Variants in BST1 observed in about 807,000 individuals in gnomAD.
The protein encoded by BST1 is bone marrow stromal cell antigen 1.
In BST1, 49 loss-of-function variants were observed where a neutral mutation model predicts 40.6. The observed-to-expected ratio is 1.21, with a 90% confidence interval of 0.96 to 1.53. BST1 has a LOEUF of 1.53. Among genes scored for constraint, BST1 ranks in the 40% most tolerant of loss-of-function variants. BST1 has a pLI of 0.00. For missense variants in BST1, 423 were observed against 395.9 expected, an observed-to-expected ratio of 1.07 and a Z score of -0.58; for synonymous variants, 157 against 159.3, an observed-to-expected ratio of 0.99 and a Z score of 0.11.
intron 8 of BST1, 150 bp from the exon 9 acceptor site, chr4:15,731,590 G>A (rs1577598314): frequency 2.6e-6 from 3 of 1,148,646 alleles, no homozygotes; most frequent in East Asian, 2.6e-5. Context: ...TTCGCGCACC[G>A]CCTCCTACGG....
intron 8 of BST1, among the ~76,000 whole-genome samples, chr4:15,728,638 C>G (rs1369915597): frequency 6.9e-6 from 1 of 145,034 alleles, no homozygotes; most frequent in Non-Finnish European, 1.5e-5. Context: ...TCCCTTCCTT[C>G]CTTCCTTTTT....
chr4:15,733,468 A>G (rs1721458270), downstream of BST1, among the ~76,000 whole-genome samples: 1 of 152,152 alleles, frequency 6.6e-6, no homozygotes, highest in Admixed American at 6.5e-5. Flanking sequence ...CTTTAGCTAG[A>G]CACAGAGTGC....
At chr4:15,731,668 G>A (rs1317190700) in intron 8 of BST1, 72 bp from the exon 9 acceptor site, 2 of 1,517,880 alleles carry the variant, frequency 1.3e-6, no homozygotes, top group East Asian at 2.3e-5. Flanking sequence ...GACTAATACT[G>A]CACATATATT....
rs955807538 is a variant in BST1 at position 15,721,744 on chromosome 4, G to A, written c.792-1131G>A. ...CAGGTGTGGCACACCAACATGGCAT[G>A]TGTATACATATGTAACAAACCTGCA... is the stretch of plus-strand genomic sequence containing the variant. On this transcript the variant is annotated intron_variant, in intron 7 of 8. Transcript: ENST00000265016. Among the ~76,000 whole-genome samples the A allele has an allele frequency of 2.0e-5, 3 of 152,100 alleles. No homozygotes were observed. The East Asian group carries it at 5.8e-4, about 29-fold the overall frequency.
At chr4:15,726,136 G>GTTTTTTTT (rs58225702) in intron 8 of BST1, among the ~76,000 whole-genome samples, 14 of 107,584 alleles carry the variant, frequency 1.3e-4, no homozygotes, top group East Asian at 1.2e-3. Context: ...AACTTTTAAA[G>GTTTTTTTT]TTTTTTTTTT....
intron 4 of BST1, among the ~76,000 whole-genome samples, chr4:15,714,061 A>G (rs970671960): frequency 3.9e-5 from 6 of 152,108 alleles, no homozygotes; most frequent in African/African-American, 1.4e-4. Context: ...AGCTGCTCAT[A>G]ATAGTGAATG....
the BST1 span, among the ~76,000 whole-genome samples, chr4:15,748,990 G>C: frequency 2.0e-5 from 3 of 152,168 alleles, no homozygotes; most frequent in South Asian, 6.2e-4. Flanking sequence ...AGCCCATAAA[G>C]GACACATTAC....
At chr4:15,739,911 G>A (rs1721698776), downstream of BST1, among the ~76,000 whole-genome samples, 1 of 151,904 alleles carries the variant, frequency 6.6e-6, no homozygotes, top group Admixed American at 6.6e-5. Context: ...AAAGGAGAGG[G>A]AGACATTGAC....
the BST1 span, among the ~76,000 whole-genome samples, chr4:15,769,902 C>T: frequency 3.3e-5 from 5 of 151,940 alleles, no homozygotes; most frequent in South Asian, 2.1e-4. Context: ...TGCAGTGGCA[C>T]GATTTCAGTT....
At chr4:15,708,601 G>A (rs993195140) in intron 3 of BST1, among the ~76,000 whole-genome samples, 51 of 152,052 alleles carry the variant, frequency 3.4e-4, no homozygotes, top group Admixed American at 2.0e-4. Flanking sequence ...ATATCAGGCC[G>A]GGCATGGTAG....
chr4:15,704,406 G>A (rs1719760456), intron 1 of BST1, among the ~76,000 whole-genome samples: 1 of 150,392 alleles, frequency 6.6e-6, no homozygotes. Flanking sequence ...AGGGATGTGT[G>A]TGTGTGTGTG....
chr4:15,741,891 G>T (rs1404782190), downstream of BST1, among the ~76,000 whole-genome samples: 1 of 152,216 alleles, frequency 6.6e-6, no homozygotes, highest in Non-Finnish European at 1.5e-5. Flanking sequence ...GGATTCAGTA[G>T]TCCCTGTCCC....
At chr4:15,719,666 T>C (rs909728264) in intron 7 of BST1, among the ~76,000 whole-genome samples, 2 of 152,182 alleles carry the variant, frequency 1.3e-5, no homozygotes, top group African/African-American at 4.8e-5. Flanking sequence ...TGAGTGGTTT[T>C]CTTGAACATT....
chr4:15,711,923 T>A, intron 4 of BST1, 34 bp downstream of exon 4: 7 of 1,570,888 alleles, frequency 4.5e-6, no homozygotes, highest in Non-Finnish European at 6.1e-6. Flanking sequence ...TGGTTGAGCA[T>A]GTGTGGGACC....
chr4:15,747,988 ATTT>A, the BST1 span, among the ~76,000 whole-genome samples: 2 of 152,050 alleles, frequency 1.3e-5, no homozygotes, highest in African/African-American at 2.4e-5. Flanking sequence ...ACCTTATCTC[ATTT>A]ATTTCAGGCC....
chr4:15,772,998 G>A, the BST1 span, among the ~76,000 whole-genome samples: 1 of 152,154 alleles, frequency 6.6e-6, no homozygotes, highest in African/African-American at 2.4e-5. Context: ...TGTTGTAAAA[G>A]TTATATCTTT....
chr4:15,707,855 C>CTCTCTATA (rs544633858), intron 3 of BST1, among the ~76,000 whole-genome samples: 4,181 of 127,662 alleles, frequency 0.033, 87 homozygotes, highest in Non-Finnish European at 0.045. Context: ...CTCTCTCTCT[C>CTCTCTATA]TATATATATA....
At chr4:15,744,529 C>T in the BST1 span, among the ~76,000 whole-genome samples, 1 of 152,182 alleles carries the variant, frequency 6.6e-6, no homozygotes, top group Non-Finnish European at 1.5e-5. Flanking sequence ...TCTTCCTTGA[C>T]ACATGGGATT....
chr4:15,766,529 T>C, the BST1 span, among the ~76,000 whole-genome samples: 1 of 152,022 alleles, frequency 6.6e-6, no homozygotes, highest in Non-Finnish European at 1.5e-5. Context: ...TTCTATTTAC[T>C]CTTATTTCAT....
Sources: allele counts gnomAD v4.1 joint callset (sites outside exome capture counted in the v4.1 genomes callset), GRCh38; gene constraint gnomAD v4.1.1; transcripts MANE v1.5; gene names NCBI Gene and HGNC (gene_info 2026-07-23, HGNC 2026-07-21).